The following CD200R1 variants were observed in gnomAD, a reference collection of about 807,000 sequenced individuals.
CD200R1 encodes the protein cell surface glycoprotein CD200 receptor 1.
In CD200R1, 30 loss-of-function variants were observed where a neutral mutation model predicts 38.1. The observed-to-expected ratio is 0.79, with a 90% CI of 0.59 to 1.07. CD200R1 has a LOEUF of 1.07. CD200R1 is among the 50% of genes least tolerant of loss of function. CD200R1 has a pLI of 0.00. For missense variants in CD200R1, 372 were observed against 415.4 expected (o/e 0.90, Z 0.91); for synonymous variants, 128 against 152.1 (o/e 0.84, Z 1.16).
intron 3 of CD200R1, 49 bp from the exon 4 acceptor site, chr3:112,929,556 A>G: frequency 2.7e-6 from 4 of 1,485,074 alleles, no homozygotes; most frequent in Non-Finnish European, 3.6e-6. Context: ...AAAGAACTTC[A>G]TGTGTTACAT....
intron 1 of CD200R1, among the ~76,000 whole-genome samples, chr3:112,961,987 A>G (rs1933030874): frequency 6.6e-6 from 1 of 152,208 alleles, no homozygotes; most frequent in Admixed American, 6.5e-5. Context: ...AAGTGTTTAG[A>G]AAAGTAGGAA....
At chr3:112,971,776 C>A (rs1933315814) in intron 1 of CD200R1, among the ~76,000 whole-genome samples, 1 of 152,172 alleles carries the variant, frequency 6.6e-6, no homozygotes. Context: ...ATTTAACACA[C>A]AACCTCTGTT....
chr3:112,952,040 A>C (rs1034481184), intron 1 of CD200R1, among the ~76,000 whole-genome samples: 11 of 113,810 alleles, frequency 9.7e-5, no homozygotes, highest in Admixed American at 7.5e-4. Flanking sequence ...TTTAAAAAGA[A>C]TAACAAAAAA....
At chr3:112,958,064 G>A (rs569079559) in intron 1 of CD200R1, among the ~76,000 whole-genome samples, 1 of 152,108 alleles carries the variant, frequency 6.6e-6, no homozygotes, top group South Asian at 2.1e-4. Flanking sequence ...AAACTACACT[G>A]GTATATTTCT....
chr3:112,940,902 C>T (rs1426433256), intron 2 of CD200R1, among the ~76,000 whole-genome samples: 1 of 151,660 alleles, frequency 6.6e-6, no homozygotes, highest in Non-Finnish European at 1.5e-5. Context: ...GGAAATCAAC[C>T]CAAACGCCCA....
At chr3:112,960,469 T>C (rs1932990782) in intron 1 of CD200R1, among the ~76,000 whole-genome samples, 1 of 152,018 alleles carries the variant, frequency 6.6e-6, no homozygotes, top group South Asian at 2.1e-4. Context: ...CATTTGAAAT[T>C]TTAGGATAAA....
intron 5 of CD200R1, among the ~76,000 whole-genome samples, chr3:112,925,405 G>T (rs1196516061): frequency 6.6e-6 from 1 of 152,070 alleles, no homozygotes; most frequent in Non-Finnish European, 1.5e-5. Flanking sequence ...AAAACTAGGG[G>T]AATAGTCAAT....
chr3:112,934,280 T>C (rs1375967907), intron 2 of CD200R1, among the ~76,000 whole-genome samples: 4 of 152,102 alleles, frequency 2.6e-5, no homozygotes, highest in African/African-American at 4.8e-5. Context: ...CTTATACTGA[T>C]AGCAGATTTC....
At chr3:112,964,371 G>A (rs1014978110) in intron 1 of CD200R1, among the ~76,000 whole-genome samples, 1 of 152,196 alleles carries the variant, frequency 6.6e-6, no homozygotes, top group Admixed American at 6.5e-5. Flanking sequence ...AAGCAGCCAG[G>A]AGGGTGGCTG....
At chr3:112,972,160 GA>G (rs1194785283) in intron 1 of CD200R1, among the ~76,000 whole-genome samples, 3 of 152,122 alleles carry the variant, frequency 2.0e-5, no homozygotes, top group African/African-American at 7.2e-5. Flanking sequence ...AACATTTAGA[GA>G]AAAACACACC....
Position 112,947,906 on chromosome 3 carries a change from T to G in CD200R1, c.86A>C (p.Gln29Pro). Residue 29 changes from glutamine (Q) to proline (P), a missense_variant, in exon 2 of 8, where the codon CAA becomes CCA. Transcript: ENST00000308611. ...TTGCAGCATTAATGAGTTGTTTGGT[T>G]GAGCAGCACCCTCCGCTTCTGAATT... ...FLVAEAEGAA[Q>P]PNNSLMLQTS... 2 of 1,612,638 alleles carry G rather than the reference T, an allele frequency of 1.2e-6. No individual in the cohort carries two copies. Among genetic ancestry groups the G allele is most frequent in the Non-Finnish European group, 1.7e-6 (2 of 1,178,642 alleles).
intron 1 of CD200R1, among the ~76,000 whole-genome samples, chr3:112,956,756 T>C (rs1404973241): frequency 2.0e-5 from 3 of 152,200 alleles, no homozygotes; most frequent in Non-Finnish European, 4.4e-5. Context: ...AGGAGCATCC[T>C]AAGCCTAGTA....
rs1940425537 is a variant in CD200R1 at position 112,931,179 on chromosome 3, A to G, written c.137-8T>C. Reference sequence around the variant, plus strand: ...TACATAAACTGCTTGAAGCTAGAAAATATTTAGAGAAGAATAAATGAAATC... The same window carrying G: ...TACATAAACTGCTTGAAGCTAGAAAGTATTTAGAGAAGAATAAATGAAATC... On this transcript the variant is annotated splice_region_variant and splice_polypyrimidine_tract_variant and intron_variant, in intron 2 of 7. Transcript: ENST00000308611. 1 of 1,553,186 alleles carries G rather than the reference A, an allele frequency of 6.4e-7. No homozygotes were observed. Among genetic ancestry groups the G allele is most frequent in the Non-Finnish European group, 8.9e-7 (1 of 1,124,586 alleles).
At chr3:112,947,397 G>C (rs1940888132) in intron 2 of CD200R1, among the ~76,000 whole-genome samples, 1 of 151,954 alleles carries the variant, frequency 6.6e-6, no homozygotes, top group Admixed American at 6.6e-5. Flanking sequence ...AGGTCATAGG[G>C]GAAATTTCTG....
chr3:112,930,512 A>G lies in CD200R1; in HGVS notation c.202+594T>C, dbSNP rs535124438. Among the ~76,000 whole-genome samples, 4 of 152,336 alleles carry G rather than the reference A, an allele frequency of 2.6e-5. No individual in the cohort carries two copies. The South Asian group carries it at 8.3e-4, about 32-fold the overall frequency. ...CCCTGCATCCTACAAGCATCTTCCA[A>G]CGTAGAACCTCATGCATCCCATAAA... is the stretch of plus-strand genomic sequence containing the variant. On this transcript the variant is annotated intron_variant, in intron 3 of 7. Transcript: ENST00000308611.
rs1940897943 is a variant in CD200R1, at chr3:112,947,875, G to T, written c.117C>A (p.Ser39Arg). The T allele has an allele frequency of 1.2e-6, 2 of 1,612,266 alleles. No homozygotes were observed. The highest frequency in any genetic ancestry group is 4.5e-5 in the East Asian group (2 of 44,848). ...CATTACCTAAAGCATGATTCTCCTT[G>T]CTAGTTTGCAGCATTAATGAGTTGT... ...QPNNSLMLQT[S>R]KENHALASSS... The change falls in exon 2 of 8, where the codon AGC becomes AGA. Residue 39 changes from serine (S) to arginine (R), a missense_variant. Transcript: ENST00000308611.
chr3:112,970,067 A>G (rs1177584694), intron 1 of CD200R1, among the ~76,000 whole-genome samples: 1 of 152,070 alleles, frequency 6.6e-6, no homozygotes, highest in Non-Finnish European at 1.5e-5. Context: ...AGTCCCAGCT[A>G]CTTGGGAGTC....
chr3:112,923,687 T>C lies in CD200R1; in HGVS notation c.1037A>G (p.His346Arg), dbSNP rs748871372. Residue 346 changes from histidine (H) to arginine (R), a missense_variant, in exon 8 of 8, where the codon CAT becomes CGT. Coordinates refer to ENST00000308611, the MANE Select transcript of CD200R1 (RefSeq NM_138806.4). ...ALQSEVDTDL[H>R]TL The stretch of plus-strand genomic sequence containing the variant: ...CTAGAGTCCAACAACTTATAAAGTA[T>C]GGAGGTCTGTGTCAACTTCACTTTG... The C allele has an allele frequency of 2.8e-5, 43 of 1,518,928 alleles. 2 individuals are homozygous for C. The highest frequency in any genetic ancestry group is 2.6e-5 in the Non-Finnish European group (28 of 1,096,662). The allele number at this position is 1,518,928 out of a possible 1,614,324, so 94.1% of individuals were successfully genotyped here.
intron 2 of CD200R1, among the ~76,000 whole-genome samples, chr3:112,934,540 T>G (rs1022265496): frequency 3.3e-5 from 5 of 151,982 alleles, no homozygotes; most frequent in Non-Finnish European, 5.9e-5. Context: ...TTTAAAAATA[T>G]AAGACCCAGC....
Sources: gnomAD v4.1 joint callset for allele counts (sites outside exome capture counted in the v4.1 genomes callset) on GRCh38, gnomAD v4.1.1 for gene constraint, MANE v1.5 for transcripts, NCBI Gene and HGNC (gene_info 2026-07-23, HGNC 2026-07-21) for gene names.